CHCHD6: variants seen among roughly 807,000 people sequenced by gnomAD.
CHCHD6 encodes the protein coiled-coil-helix-coiled-coil-helix domain containing 6.
In CHCHD6, 28 loss-of-function variants were observed where a neutral mutation model predicts 32.3. The ratio of observed to expected loss-of-function variants is 0.87; its 90% confidence interval spans 0.64 to 1.19. CHCHD6 has a LOEUF of 1.19. Ranked by LOEUF, CHCHD6 falls within the 50% of genes most tolerant of loss-of-function variation. The probability of loss-of-function intolerance (pLI) is 0.00; values close to 1 mark genes in which losing one functional copy is unlikely to be tolerated. For missense variants in CHCHD6, 333 were observed against 307.0 expected (o/e 1.08, Z -0.63); for synonymous variants, 122 against 117.5 (o/e 1.04, Z -0.25).
chr3:126,874,521 A>T (rs1406055863), intron 5 of CHCHD6, among the ~76,000 whole-genome samples: 1 of 152,184 alleles, frequency 6.6e-6, no homozygotes, highest in Non-Finnish European at 1.5e-5. Context: ...CTGAGGCTGC[A>T]GGTGCTCTGT....
chr3:126,884,051 G>A (rs904371275), intron 5 of CHCHD6, among the ~76,000 whole-genome samples: 1 of 151,722 alleles, frequency 6.6e-6, no homozygotes, highest in Non-Finnish European at 1.5e-5. Context: ...ATACTCATTT[G>A]AATCTGTTAC....
Position 126,914,743 on chromosome 3 carries a change from A to G in CHCHD6, c.559A>G (p.Thr187Ala), listed in dbSNP as rs770867689. Reference protein sequence around the residue: ...FHEAASKMESTIKPRRVEPVC... With the variant: ...FHEAASKMESAIKPRRVEPVC... ...TGAGGCAGCCTCAAAGATGGAGAGC[A>G]CAATAAAGTAAGAATTTGTTTATTA... The change falls in exon 6 of 8, where the codon ACA becomes GCA. Residue 187 changes from threonine (T) to alanine (A), a missense_variant. By Grantham distance (58) the Thr-to-Ala change is moderately conservative (BLOSUM62 0). Coordinates refer to ENST00000290913, the MANE Select transcript of CHCHD6 (RefSeq NM_032343.3). 3 of 1,554,990 alleles carry G rather than the reference A, an allele frequency of 1.9e-6. No individual in the cohort carries two copies. The highest frequency in any genetic ancestry group is 2.7e-6 in the Non-Finnish European group (3 of 1,125,912).
intron 5 of CHCHD6, among the ~76,000 whole-genome samples, chr3:126,858,952 C>G (rs891833031): frequency 2.0e-5 from 3 of 152,192 alleles, no homozygotes; most frequent in Non-Finnish European, 4.4e-5. Flanking sequence ...GTCTGTCCCC[C>G]GCTGAGGTTT....
chr3:126,720,380 GGGC>G (rs1935225619), intron 1 of CHCHD6, among the ~76,000 whole-genome samples: 1 of 152,128 alleles, frequency 6.6e-6, no homozygotes, highest in Non-Finnish European at 1.5e-5. Flanking sequence ...CACCCAACCG[GGGC>G]TTCTAGTCCC....
At chr3:126,748,173 C>G (rs565411792) in intron 4 of CHCHD6, among the ~76,000 whole-genome samples, 266 of 152,310 alleles carry the variant, frequency 1.7e-3, no homozygotes, top group Non-Finnish European at 3.2e-3. Context: ...AACCAATAGA[C>G]CTTTCCCAAG....
Position 126,788,088 on chromosome 3 carries a change from T to G in CHCHD6, c.411+54866T>G, listed in dbSNP as rs547362350. Among the ~76,000 whole-genome samples the G allele has an allele frequency of 7.9e-3, 1,198 of 152,104 alleles. 11 individuals carry two copies. Among genetic ancestry groups the G allele is most frequent in the African/African-American group, 0.021 (890 of 41,520 alleles). ...TCTGCATCTATTGAGATAATCATGT[T>G]GTTTTTGTCTTTGGTTCTGTTTATA... On this transcript the variant is annotated intron_variant, in intron 4 of 7. Transcript: ENST00000290913.
chr3:126,741,384 G>C (rs1465333048), intron 4 of CHCHD6, among the ~76,000 whole-genome samples: 2 of 151,782 alleles, frequency 1.3e-5, no homozygotes, highest in African/African-American at 4.9e-5. Flanking sequence ...AAACAAGTGA[G>C]GTTCATGTAG....
At chr3:126,850,584 C>T (rs1941437434) in intron 4 of CHCHD6, among the ~76,000 whole-genome samples, 1 of 152,176 alleles carries the variant, frequency 6.6e-6, no homozygotes. Context: ...TGTGTGAACG[C>T]ACCTCCTTGT....
chr3:126,835,114 C>G (rs1576472521), intron 4 of CHCHD6, among the ~76,000 whole-genome samples: 2 of 152,172 alleles, frequency 1.3e-5, no homozygotes, highest in Admixed American at 6.5e-5. Flanking sequence ...AGATTTCTGA[C>G]CAGCCTCTGG....
intron 5 of CHCHD6, among the ~76,000 whole-genome samples, chr3:126,894,003 G>T (rs921257220): frequency 2.6e-5 from 4 of 152,236 alleles, no homozygotes; most frequent in Non-Finnish European, 5.9e-5. Context: ...ACACCTCCAG[G>T]GCTCTACCCA....
At chr3:126,934,845 G>A (rs571961805) in intron 6 of CHCHD6, among the ~76,000 whole-genome samples, 289 of 152,176 alleles carry the variant, frequency 1.9e-3, no homozygotes, top group African/African-American at 6.5e-3. Flanking sequence ...CACCACGCCC[G>A]GCCTTCCCAC....
intron 6 of CHCHD6, among the ~76,000 whole-genome samples, chr3:126,951,111 G>C (rs1012304640): frequency 3.3e-5 from 5 of 152,188 alleles, no homozygotes; most frequent in Non-Finnish European, 7.3e-5. Context: ...CCCCCGGGCT[G>C]TTCTCATGAT....
chr3:126,725,775 G>A (rs1202692941), intron 1 of CHCHD6, among the ~76,000 whole-genome samples: 1 of 152,188 alleles, frequency 6.6e-6, no homozygotes, highest in African/African-American at 2.4e-5. Flanking sequence ...TTTATGTTAT[G>A]GAGATGGTGT....
intron 4 of CHCHD6, among the ~76,000 whole-genome samples, chr3:126,760,212 A>C (rs1185200278): frequency 2.6e-5 from 4 of 152,206 alleles, no homozygotes; most frequent in African/African-American, 9.7e-5. Flanking sequence ...TTTTGAAATT[A>C]GTAAGTAATC....
intron 5 of CHCHD6, among the ~76,000 whole-genome samples, chr3:126,884,374 G>A (rs59792711): frequency 0.032 from 4,854 of 152,150 alleles, 171 homozygotes; most frequent in East Asian, 0.16. Flanking sequence ...TGGTAATTTT[G>A]GCAATCAAAG....
intron 6 of CHCHD6, among the ~76,000 whole-genome samples, chr3:126,934,157 A>G (rs1349430071): frequency 6.6e-6 from 1 of 152,238 alleles, no homozygotes; most frequent in East Asian, 1.9e-4. Flanking sequence ...TTGCAGCTAC[A>G]GAGGATATAT....
At chr3:126,777,669 G>GGCA (rs1184110703) in intron 4 of CHCHD6, among the ~76,000 whole-genome samples, 4 of 152,200 alleles carry the variant, frequency 2.6e-5, no homozygotes, top group Non-Finnish European at 4.4e-5. Context: ...CCCTGTAGCA[G>GGCA]GCACGTTGAG....
At chr3:126,858,891 C>A (rs920119772) in intron 5 of CHCHD6, among the ~76,000 whole-genome samples, 1 of 152,220 alleles carries the variant, frequency 6.6e-6, no homozygotes. Context: ...TGTGGAGCTA[C>A]ACCTCACTGG....
intron 5 of CHCHD6, among the ~76,000 whole-genome samples, chr3:126,912,229 G>T (rs2078100831): frequency 6.6e-6 from 1 of 152,242 alleles, no homozygotes; most frequent in South Asian, 2.1e-4. Context: ...TCATGAAGGG[G>T]AACTTCAGAC....
Sources: gnomAD v4.1 joint callset for allele counts (sites outside exome capture counted in the v4.1 genomes callset) on GRCh38, gnomAD v4.1.1 for gene constraint, MANE v1.5 for transcripts, NCBI Gene and HGNC (gene_info 2026-07-23, HGNC 2026-07-21) for gene names.